Variants in DDX10 observed in about 807,000 individuals in gnomAD.
DDX10 encodes the protein DEAD-box helicase 10, also known as probable ATP-dependent RNA helicase DDX10.
In DDX10, 74 loss-of-function variants were observed where a neutral mutation model predicts 104.3. The observed-to-expected ratio is 0.71, with a 90% CI of 0.59 to 0.86. The LOEUF is 0.86. Among genes scored for constraint, DDX10 ranks in the 40% least tolerant of loss-of-function variants. The pLI is 0.00. For synonymous variants in DDX10, 351 were observed against 353.4 expected (o/e 0.99, Z 0.08); for missense variants, 952 against 1,040.0 (o/e 0.92, Z 1.16).
chr11:108,918,802 A>G (rs912597917), intron 17 of DDX10: 5 of 152,340 alleles, frequency 3.3e-5, no homozygotes, highest in East Asian at 1.9e-4. Context: ...TCAGAGTACT[A>G]TGTATTAGAT....
chr11:108,793,765 T>C (rs1861902198), intron 13 of DDX10, among the ~76,000 whole-genome samples: 1 of 152,140 alleles, frequency 6.6e-6, no homozygotes, highest in Non-Finnish European at 1.5e-5. Context: ...TTATTCCTTC[T>C]ATCTAACCGT....
chr11:108,907,001 A>G (rs557694567), intron 16 of DDX10, among the ~76,000 whole-genome samples: 2 of 152,322 alleles, frequency 1.3e-5, no homozygotes, highest in East Asian at 3.9e-4. Flanking sequence ...TGTGCAGTAA[A>G]CAGTTGTTAA....
At chr11:108,691,280 A>G (rs540539214) in intron 7 of DDX10, among the ~76,000 whole-genome samples, 2 of 152,290 alleles carry the variant, frequency 1.3e-5, no homozygotes, top group East Asian at 1.9e-4. Context: ...ACTTCCTTTG[A>G]GTTTGTTTTA....
At chr11:108,723,638 A>G (rs530688240) in intron 13 of DDX10, among the ~76,000 whole-genome samples, 176 bp downstream of exon 13, 5 of 152,280 alleles carry the variant, frequency 3.3e-5, no homozygotes, top group African/African-American at 9.6e-5. Context: ...ATGAATTTTC[A>G]TATTTTTCAT....
intron 13 of DDX10, among the ~76,000 whole-genome samples, chr11:108,740,346 C>T (rs1486566099): frequency 2.0e-5 from 3 of 152,086 alleles, no homozygotes; most frequent in East Asian, 1.9e-4. Flanking sequence ...CATAGTATTC[C>T]GATGTGTGTA....
At chr11:108,684,160 TAAGGTTA>T (rs2094239575) in intron 6 of DDX10, among the ~76,000 whole-genome samples, 1 of 125,708 alleles carries the variant, frequency 8.0e-6, no homozygotes, top group African/African-American at 2.9e-5. Flanking sequence ...TTTTTTTTTT[TAAGGTTA>T]TAGATTTTCT....
intron 13 of DDX10, among the ~76,000 whole-genome samples, chr11:108,809,018 A>C (rs924844078): frequency 6.6e-6 from 1 of 152,146 alleles, no homozygotes; most frequent in East Asian, 1.9e-4. Flanking sequence ...AGTGGAAAAT[A>C]ACTTTTTTTT....
At chr11:108,811,027 ATGTT>A (rs901318483) in intron 13 of DDX10, among the ~76,000 whole-genome samples, 4 of 151,934 alleles carry the variant, frequency 2.6e-5, no homozygotes, top group Non-Finnish European at 5.9e-5. Context: ...TCCAAGGGAG[ATGTT>A]TGTTTTGTTT....
intron 13 of DDX10, among the ~76,000 whole-genome samples, chr11:108,785,259 C>T (rs1861774691): frequency 6.6e-6 from 1 of 152,174 alleles, no homozygotes; most frequent in Non-Finnish European, 1.5e-5. Flanking sequence ...ACCAACCTTA[C>T]ATCCCAGGAA....
chr11:108,835,129 C>T (rs138979407), intron 13 of DDX10, among the ~76,000 whole-genome samples: 1 of 152,104 alleles, frequency 6.6e-6, no homozygotes, highest in Non-Finnish European at 1.5e-5. Flanking sequence ...AGGGGTCATA[C>T]AGGTTATTTT....
intron 17 of DDX10, chr11:108,922,220 GGCA>G (rs796405180): frequency 7.6e-6 from 1 of 131,660 alleles, no homozygotes; most frequent in East Asian, 2.2e-4. Context: ...CTCCAGCCTG[GGCA>G]ACAGAGGGAG....
At chr11:108,813,746 C>G (rs1862218690) in intron 13 of DDX10, among the ~76,000 whole-genome samples, 1 of 152,068 alleles carries the variant, frequency 6.6e-6, no homozygotes, top group Admixed American at 6.6e-5. Context: ...AATTCTGTTG[C>G]AAGATGTGAA....
chr11:108,764,648 G>A (rs1035170040), intron 13 of DDX10, among the ~76,000 whole-genome samples: 5 of 152,276 alleles, frequency 3.3e-5, no homozygotes, highest in South Asian at 2.1e-4. Flanking sequence ...CAGCCTGGAC[G>A]AGAGCGAAAC....
At chr11:108,825,317 T>C (rs1371700704) in intron 13 of DDX10, among the ~76,000 whole-genome samples, 1 of 152,196 alleles carries the variant, frequency 6.6e-6, no homozygotes, top group African/African-American at 2.4e-5. Flanking sequence ...GGGATATATA[T>C]GAAAGTTGTT....
intron 9 of DDX10, among the ~76,000 whole-genome samples, chr11:108,706,428 C>T (rs2094276296): frequency 6.6e-6 from 1 of 152,000 alleles, no homozygotes; most frequent in South Asian, 2.1e-4. Flanking sequence ...CCTCTAGTGG[C>T]TTGAGTGAGA....
At position 108,793,567 on chromosome 11, in the gene DDX10, A is replaced by G. The variant is rs1279580450; in HGVS notation, c.1966-44879A>G. 2.6e-5 allele frequency among the ~76,000 whole-genome samples: 4 copies of G among 152,164 alleles called. No individual in the cohort carries two copies. In the East Asian group the frequency reaches 7.7e-4, roughly 29 times the overall value. ...ACTCATATTTTTCATCCTATTATAA[A>G]TGGTGTTTTAAAAAACATATATTTC... On this transcript the variant is annotated intron_variant, in intron 13 of 17. Transcript: ENST00000322536.
At chr11:108,897,934 G>T (rs1863462263) in intron 16 of DDX10, among the ~76,000 whole-genome samples, 1 of 152,106 alleles carries the variant, frequency 6.6e-6, no homozygotes, top group South Asian at 2.1e-4. Flanking sequence ...GAAAGCCCAT[G>T]AAGTAATTTT....
chr11:108,884,538 A>T (rs918657062), intron 16 of DDX10, among the ~76,000 whole-genome samples: 1 of 152,078 alleles, frequency 6.6e-6, no homozygotes, highest in Non-Finnish European at 1.5e-5. Context: ...GTCTTCATTC[A>T]TCTCTGCTCT....
intron 16 of DDX10, among the ~76,000 whole-genome samples, chr11:108,901,637 A>T (rs1259415559): frequency 6.6e-6 from 1 of 152,192 alleles, no homozygotes; most frequent in African/African-American, 2.4e-5. Flanking sequence ...GCTCATAAAC[A>T]TGCTGTAGTC....
Sources: gnomAD v4.1 joint callset for allele counts (sites outside exome capture counted in the v4.1 genomes callset) on GRCh38, gnomAD v4.1.1 for gene constraint, MANE v1.5 for transcripts, NCBI Gene and HGNC (gene_info 2026-07-23, HGNC 2026-07-21) for gene names.